EYS: variants seen among roughly 807,000 people sequenced by gnomAD.
The protein encoded by EYS is EGF-like photoreceptor maintenance factor.
Under a neutral mutation model 282.1 loss-of-function variants are expected in EYS, and 250 were observed. The ratio of observed to expected loss-of-function variants is 0.89; its 90% confidence interval spans 0.80 to 0.98. The LOEUF is 0.98. EYS is among the 50% of genes least tolerant of loss of function. EYS has a pLI of 0.00. For missense variants in EYS, 4,016 were observed against 3,709.0 expected (o/e 1.08, Z -2.15); for synonymous variants, 1,355 against 1,282.9 (o/e 1.06, Z -1.20).
At chr6:65,308,163 A>C (rs1335798835) in intron 11 of EYS, among the ~76,000 whole-genome samples, 2 of 59,084 alleles carry the variant, frequency 3.4e-5, no homozygotes, top group African/African-American at 1.3e-4. Flanking sequence ...TTTTTATTAG[A>C]GACAGGGTTT....
chr6:65,264,529 G>A (rs772367506), intron 12 of EYS, among the ~76,000 whole-genome samples: 4 of 152,044 alleles, frequency 2.6e-5, no homozygotes, highest in Non-Finnish European at 5.9e-5. Flanking sequence ...AATCAAAATT[G>A]TATTGCAAAT....
intron 5 of EYS, among the ~76,000 whole-genome samples, chr6:65,409,267 GCAAATAGAGTTAA>G (rs1474878111): frequency 6.6e-6 from 1 of 152,092 alleles, no homozygotes; most frequent in African/African-American, 2.4e-5. Context: ...CTAAGATTAT[GCAAATAGAGTTAA>G]CAAACTAGTA....
At position 64,279,495 on chromosome 6, in the gene EYS, G is replaced by A. The variant is rs765010758; in HGVS notation, c.6191+27475C>T. On this transcript the variant is annotated intron_variant, in intron 30 of 42. Transcript: ENST00000503581. ...TCTCTAGAGACCTTTCTATCCACTT[G>A]TAAGGGTAAGGTGAAAATGATGGCT... Among the ~76,000 whole-genome samples the A allele has an allele frequency of 2.0e-4, 31 of 151,764 alleles. 1 individual carries two copies. Among genetic ancestry groups the A allele is most frequent in the Non-Finnish European group, 1.0e-4 (7 of 68,032 alleles).
At chr6:64,939,783 T>C (rs768972832) in intron 15 of EYS, among the ~76,000 whole-genome samples, 12 of 151,970 alleles carry the variant, frequency 7.9e-5, no homozygotes, top group Non-Finnish European at 1.5e-4. Context: ...AGCCATATAG[T>C]ATAAAGCAGG....
chr6:64,235,964 C>T (rs1766592477), intron 30 of EYS, among the ~76,000 whole-genome samples: 1 of 152,204 alleles, frequency 6.6e-6, no homozygotes, highest in African/African-American at 2.4e-5. Flanking sequence ...TCCTCCCTAA[C>T]TCATTTTATG....
chr6:64,857,570 A>G (rs1327229663), intron 19 of EYS, among the ~76,000 whole-genome samples: 2 of 152,190 alleles, frequency 1.3e-5, no homozygotes, highest in African/African-American at 4.8e-5. Context: ...ATGAAAATGG[A>G]GATGCAGATA....
intron 26 of EYS, among the ~76,000 whole-genome samples, chr6:64,451,177 A>T (rs550027085): frequency 6.6e-6 from 1 of 152,312 alleles, no homozygotes; most frequent in South Asian, 2.1e-4. Context: ...CAAAGGGGAT[A>T]TCACCACTGA....
chr6:63,922,513 A>G (rs1764601076), intron 35 of EYS, among the ~76,000 whole-genome samples: 1 of 152,190 alleles, frequency 6.6e-6, no homozygotes, highest in Admixed American at 6.5e-5. Context: ...CAGTGAGCCA[A>G]GATCATGCCA....
At chr6:64,116,247 G>A (rs1773380416) in intron 31 of EYS, among the ~76,000 whole-genome samples, 1 of 152,018 alleles carries the variant, frequency 6.6e-6, no homozygotes, top group Admixed American at 6.5e-5. Flanking sequence ...AAAGAATTTT[G>A]AAAGCAACAG....
intron 31 of EYS, among the ~76,000 whole-genome samples, chr6:64,129,605 C>A (rs1320081386): frequency 1.3e-5 from 2 of 152,202 alleles, no homozygotes; most frequent in African/African-American, 2.4e-5. Flanking sequence ...ATGGTAGTTT[C>A]TTTTGCTGTG....
At chr6:65,520,064 A>T (rs116822318) in intron 2 of EYS, among the ~76,000 whole-genome samples, 1,984 of 152,030 alleles carry the variant, frequency 0.013, 39 homozygotes, top group African/African-American at 0.045. Context: ...TAACTTTTCA[A>T]ATATGCACAA....
chr6:63,866,187 T>C (rs1013364964), intron 35 of EYS, among the ~76,000 whole-genome samples: 1 of 152,058 alleles, frequency 6.6e-6, no homozygotes, highest in Non-Finnish European at 1.5e-5. Context: ...AGAATAGCGA[T>C]AAAAGCACAG....
rs529630182 is a variant in EYS, at chr6:65,540,531, T to G, written c.-332-44538A>C. ...TATTTTAGCTGATGCCAAATATACA[T>G]AAAATTCTTAGCATACTTTTAAATA... On this transcript the variant is annotated intron_variant, in intron 2 of 42. Transcript: ENST00000503581. 3.3e-5 allele frequency among the ~76,000 whole-genome samples: 5 copies of G among 152,314 alleles called. No individual in the cohort carries two copies. In the South Asian group the frequency reaches 1.0e-3, roughly 32 times the overall value.
chr6:64,519,643 G>A (rs1183811065), intron 26 of EYS, among the ~76,000 whole-genome samples: 2 of 151,762 alleles, frequency 1.3e-5, no homozygotes, highest in East Asian at 3.9e-4. Flanking sequence ...CTATAAACAA[G>A]TTTTGTGCCC....
At chr6:63,815,440 G>T (rs1441433673) in intron 36 of EYS, among the ~76,000 whole-genome samples, 1 of 152,118 alleles carries the variant, frequency 6.6e-6, no homozygotes, top group African/African-American at 2.4e-5. Flanking sequence ...AAGGCCACTG[G>T]TAGGTATTTT....
chr6:65,401,572 A>T (rs1766499921), intron 7 of EYS, among the ~76,000 whole-genome samples: 1 of 151,902 alleles, frequency 6.6e-6, no homozygotes, highest in Non-Finnish European at 1.5e-5. Context: ...AATGGATTAC[A>T]GTTTTCAATA....
chr6:65,600,830 G>A (rs767980743), intron 2 of EYS, among the ~76,000 whole-genome samples: 4 of 151,468 alleles, frequency 2.6e-5, no homozygotes, highest in East Asian at 1.9e-4. Context: ...CAATTTTCTC[G>A]GTAGTACTAT....
At chr6:64,746,167 C>A (rs764814449) in intron 22 of EYS, among the ~76,000 whole-genome samples, 1 of 151,650 alleles carries the variant, frequency 6.6e-6, no homozygotes, top group South Asian at 2.1e-4. Context: ...GAGTTTCAAC[C>A]AAAACTCGTG....
At chr6:63,760,648 ATATCTATCTATCTATC>A (rs36182718) in intron 41 of EYS, among the ~76,000 whole-genome samples, 3,234 of 145,982 alleles carry the variant, frequency 0.022, 66 homozygotes, top group East Asian at 0.069. Flanking sequence ...GTATGTATGT[ATATCTATCTATCTATC>A]TATCTATCTA....
Sources: gnomAD v4.1 joint callset for allele counts (sites outside exome capture counted in the v4.1 genomes callset) on GRCh38, gnomAD v4.1.1 for gene constraint, MANE v1.5 for transcripts, NCBI Gene and HGNC (gene_info 2026-07-23, HGNC 2026-07-21) for gene names.